BLK: variants seen among roughly 807,000 people sequenced by gnomAD.
BLK encodes the protein tyrosine-protein kinase Blk.
Under a neutral mutation model 61.8 loss-of-function variants are expected in BLK, and 64 were observed. That is an observed-to-expected ratio of 1.03 (90% CI 0.85 to 1.27). The LOEUF (loss-of-function observed/expected upper bound fraction) is 1.27. Ranked by LOEUF, BLK falls within the 50% of genes most tolerant of loss-of-function variation. The pLI is 0.00. For missense variants in BLK, 853 were observed against 660.5 expected (o/e 1.29, Z -3.19); for synonymous variants, 351 against 272.0 (o/e 1.29, Z -2.86).
chr8:11,543,265 C>A lies in BLK; in HGVS notation c.41C>A (p.Pro14Gln). Residue 14 changes from proline to glutamine, a missense_variant, in exon 2 of 13, where the codon CCG (proline) becomes CAG (glutamine). Coordinates refer to ENST00000259089, the MANE Select transcript of BLK (RefSeq NM_001715.3). ...VSSKKPDKEKPIKEKDKGQWS... is the reference protein window; with the variant it reads ...VSSKKPDKEKQIKEKDKGQWS... ...AGCAAAAAGCCGGACAAGGAAAAGC[C>A]GATCAAAGAGAAGGACAAGGGCCAA... 6.2e-7 allele frequency: 1 copy of A among 1,613,956 alleles called. No homozygotes were observed. The highest frequency in any genetic ancestry group is 1.1e-5 in the South Asian group (1 of 91,070).
rs1180849034 is a variant in BLK at position 11,549,038 on chromosome 8, G to A, written c.284G>A (p.Trp95Ter). 33 of 1,609,564 alleles carry A rather than the reference G, an allele frequency of 2.1e-5. No homozygotes were observed. The highest frequency in any genetic ancestry group is 2.8e-5 in the Non-Finnish European group (33 of 1,178,274). Residue 95 changes from tryptophan (W) to a stop codon, truncating the protein, a stop_gained, in exon 5 of 13, where the codon TGG becomes TAG. Coordinates refer to ENST00000259089, the MANE Select transcript of BLK (RefSeq NM_001715.3). LOFTEE classifies it high-confidence loss of function. ...GCTCCCATTAGAACTGGAGACTGGT[G>A]GCTGGCCAGGTCACTCGTCACAGGA... ...LQVLKGTGDW[W>*]LARSLVTGRE...
intron 6 of BLK, chr8:11,553,723 T>G (rs1268294875): frequency 6.2e-6 from 1 of 160,130 alleles, no homozygotes; most frequent in Non-Finnish European, 1.4e-5. Flanking sequence ...GGTGGGGGTG[T>G]GGAGGGGCTG....
At chr8:11,514,202 C>G (rs972449566) in intron 1 of BLK, among the ~76,000 whole-genome samples, 1 of 152,196 alleles carries the variant, frequency 6.6e-6, no homozygotes, top group East Asian at 1.9e-4. Context: ...CATGTGCTAC[C>G]TGTCACTGAG....
chr8:11,503,555 C>A (rs770380263), intron 1 of BLK, among the ~76,000 whole-genome samples: 3 of 152,152 alleles, frequency 2.0e-5, no homozygotes, highest in Non-Finnish European at 4.4e-5. Flanking sequence ...TTCAGAGAGG[C>A]CTTTGCCACC....
rs149605952 is a variant in BLK at position 11,561,330 on chromosome 8, G to T, written c.1058G>T (p.Arg353Leu). The T allele has an allele frequency of 5.6e-6, 9 of 1,613,902 alleles. No individual in the cohort carries two copies. Among genetic ancestry groups the T allele is most frequent in the Non-Finnish European group, 6.8e-6 (8 of 1,179,906 alleles). The part of the protein sequence containing the change: ...QIAEGMAYIE[R>L]MNSIHRDLRA... Reference sequence around the variant, plus strand: ...GCTGAAGGGATGGCATACATTGAGCGCATGAATTCCATCCACCGCGACCTG... The same window carrying T: ...GCTGAAGGGATGGCATACATTGAGCTCATGAATTCCATCCACCGCGACCTG... The change falls in exon 11 of 13, where the codon CGC becomes CTC. Residue 353 changes from arginine to leucine, a missense_variant. Arg to Leu is a moderately radical substitution (Grantham distance 102). Transcript: ENST00000259089.
intron 1 of BLK, among the ~76,000 whole-genome samples, chr8:11,510,927 G>A (rs559102663): frequency 5.3e-5 from 8 of 152,210 alleles, no homozygotes; most frequent in South Asian, 2.1e-4. Context: ...GATTATGGCC[G>A]TCCGTGGTTC....
intron 6 of BLK, chr8:11,553,253 CT>C: frequency 4.6e-6 from 1 of 217,890 alleles, no homozygotes; most frequent in South Asian, 5.7e-5. Context: ...CCTCAGTTTA[CT>C]GGTGTCTATG....
rs145024603 is a variant in BLK, at chr8:11,507,621, C to T, written c.-2+13030C>T. On this transcript the variant is annotated intron_variant, in intron 1 of 12. Transcript: ENST00000259089. ...CCAAGCACTTGGAATTTAGAAGAGG[C>T]GAATCAGAAAGTCCCAATGGACCAG... Among the ~76,000 whole-genome samples the T allele has an allele frequency of 2.3e-3, 349 of 152,264 alleles. 3 individuals are homozygous for T. Among genetic ancestry groups the T allele is most frequent in the African/African-American group, 7.8e-3 (322 of 41,544 alleles).
chr8:11,523,409 C>T (rs543921314), intron 1 of BLK, among the ~76,000 whole-genome samples: 8 of 151,962 alleles, frequency 5.3e-5, no homozygotes, highest in Admixed American at 2.0e-4. Flanking sequence ...CAAAAATTAG[C>T]GAGCATGGTG....
At chr8:11,526,192 T>A (rs79610112) in intron 1 of BLK, among the ~76,000 whole-genome samples, 3,060 of 152,332 alleles carry the variant, frequency 0.02, 96 homozygotes, top group African/African-American at 0.07. Flanking sequence ...TGCTGTCTCT[T>A]TTCTTACCTG....
At chr8:11,530,190 T>C (rs1310995214) in intron 1 of BLK, among the ~76,000 whole-genome samples, 2 of 152,202 alleles carry the variant, frequency 1.3e-5, no homozygotes, top group African/African-American at 4.8e-5. Context: ...TCATAAGGAA[T>C]CTCAGATTAG....
chr8:11,536,191 C>T (rs1800125788), intron 1 of BLK, among the ~76,000 whole-genome samples: 1 of 152,200 alleles, frequency 6.6e-6, no homozygotes, highest in Admixed American at 6.5e-5. Context: ...CAAATGTCTC[C>T]ATGCTTTAGA....
intron 1 of BLK, among the ~76,000 whole-genome samples, chr8:11,496,431 T>TG (rs1448829477): frequency 2.0e-5 from 3 of 152,308 alleles, no homozygotes; most frequent in East Asian, 1.9e-4. Flanking sequence ...TTTGAAGAGA[T>TG]GGGGTCTCGC....
Position 11,549,013 on chromosome 8 carries a change from G to C in BLK, c.270-11G>C. 2.5e-6 allele frequency: 4 copies of C among 1,600,898 alleles called. No individual in the cohort carries two copies. Among genetic ancestry groups the C allele is most frequent in the Non-Finnish European group, 3.4e-6 (4 of 1,173,102 alleles). On this transcript the variant is annotated splice_polypyrimidine_tract_variant and intron_variant, in intron 4 of 12. Transcript: ENST00000259089. ...CCATGATCTCATCTCTGTTTCCCCT[G>C]CTCCCATTAGAACTGGAGACTGGTG...
chr8:11,555,727 A>T, intron 8 of BLK: 1 of 619,762 alleles, frequency 1.6e-6, no homozygotes, highest in Non-Finnish European at 2.9e-6. Context: ...CCCAGCCCCG[A>T]AGTCGCTCCC....
chr8:11,547,516 G>A (rs1359461451), intron 3 of BLK, among the ~76,000 whole-genome samples: 1 of 152,226 alleles, frequency 6.6e-6, no homozygotes, highest in East Asian at 1.9e-4. Context: ...CAGGGTCACT[G>A]GCAGCCATAG....
intron 1 of BLK, among the ~76,000 whole-genome samples, chr8:11,520,675 A>ATAATT (rs1014996789): frequency 3.3e-5 from 5 of 152,144 alleles, no homozygotes; most frequent in African/African-American, 1.2e-4. Flanking sequence ...TAACATTGAG[A>ATAATT]TAATTTAACT....
chr8:11,558,474 C>T (rs1585417755), intron 10 of BLK: 2 of 363,376 alleles, frequency 5.5e-6, no homozygotes, highest in African/African-American at 2.1e-5. Flanking sequence ...GGGCCCTCAG[C>T]CTTTGCACAG....
At chr8:11,523,935 T>A (rs1423654778) in intron 1 of BLK, among the ~76,000 whole-genome samples, 1 of 152,028 alleles carries the variant, frequency 6.6e-6, no homozygotes. Flanking sequence ...CTTACCTTTA[T>A]AAACATTAAT....
Sources: gnomAD v4.1 joint callset for allele counts (sites outside exome capture counted in the v4.1 genomes callset) on GRCh38, gnomAD v4.1.1 for gene constraint, MANE v1.5 for transcripts, NCBI Gene and HGNC (gene_info 2026-07-23, HGNC 2026-07-21) for gene names.